Variants in SGCZ observed in about 807,000 individuals in gnomAD.
SGCZ encodes sarcoglycan zeta.
Under a neutral mutation model 41.3 loss-of-function variants are expected in SGCZ, and 40 were observed. The observed-to-expected ratio is 0.97, with a 90% CI of 0.75 to 1.26. SGCZ has a LOEUF of 1.26. SGCZ is among the 50% of genes most tolerant of loss of function. The pLI, the probability that SGCZ is intolerant of heterozygous loss-of-function variation, is 0.00. For synonymous variants in SGCZ, 206 were observed against 137.5 expected, an observed-to-expected ratio of 1.50 and a Z score of -3.49; for missense variants, 552 against 369.8, an observed-to-expected ratio of 1.49 and a Z score of -4.04.
intron 1 of SGCZ, among the ~76,000 whole-genome samples, chr8:14,628,585 G>A (rs1806540745): frequency 6.6e-6 from 1 of 152,078 alleles, no homozygotes; most frequent in South Asian, 2.1e-4. Flanking sequence ...AAATTATTGT[G>A]TTTTCAAATG....
intron 2 of SGCZ, among the ~76,000 whole-genome samples, chr8:14,332,252 G>A (rs1170563171): frequency 6.6e-6 from 1 of 151,896 alleles, no homozygotes; most frequent in Non-Finnish European, 1.5e-5. Flanking sequence ...TGGCTAACAC[G>A]GTGAAACCCC....
chr8:15,099,957 CAAAA>C (rs60290285), intron 1 of SGCZ, among the ~76,000 whole-genome samples: 3 of 151,680 alleles, frequency 2.0e-5, no homozygotes, highest in Non-Finnish European at 4.4e-5. Context: ...ACTTCCCTGA[CAAAA>C]AAAAAAGTCT....
At chr8:14,125,196 T>A (rs1178485975) in intron 5 of SGCZ, among the ~76,000 whole-genome samples, 1 of 152,014 alleles carries the variant, frequency 6.6e-6, no homozygotes, top group Non-Finnish European at 1.5e-5. Flanking sequence ...GAATCACTAT[T>A]GTTGGCCAGG....
intron 1 of SGCZ, among the ~76,000 whole-genome samples, chr8:14,998,144 G>A (rs746390036): frequency 5.9e-5 from 9 of 152,072 alleles, no homozygotes; most frequent in East Asian, 1.9e-4. Flanking sequence ...TAGGTAGCAC[G>A]AAATCATCAA....
intron 1 of SGCZ, among the ~76,000 whole-genome samples, chr8:14,703,837 C>T (rs1300396058): frequency 3.3e-5 from 5 of 151,904 alleles, no homozygotes; most frequent in South Asian, 2.1e-4. Flanking sequence ...GAGAAGTTGA[C>T]GACTCATGCC....
chr8:14,907,942 T>G (rs1799167991), intron 1 of SGCZ, among the ~76,000 whole-genome samples: 1 of 152,182 alleles, frequency 6.6e-6, no homozygotes, highest in Non-Finnish European at 1.5e-5. Flanking sequence ...TATAATTAAC[T>G]AATGCATTTT....
chr8:14,967,105 G>A (rs2130859417), intron 1 of SGCZ, among the ~76,000 whole-genome samples: 1 of 152,246 alleles, frequency 6.6e-6, no homozygotes. Flanking sequence ...GTAGGCAGTA[G>A]AATAAGTAAA....
chr8:14,555,856 TAA>T (rs1467690993), intron 1 of SGCZ, among the ~76,000 whole-genome samples: 2 of 152,090 alleles, frequency 1.3e-5, no homozygotes, highest in African/African-American at 4.8e-5. Flanking sequence ...GCTATCAAAT[TAA>T]GTTTTATTCA....
chr8:15,110,939 G>A (rs561197905), intron 1 of SGCZ, among the ~76,000 whole-genome samples: 1 of 151,988 alleles, frequency 6.6e-6, no homozygotes, highest in South Asian at 2.1e-4. Context: ...TTGCACTCCA[G>A]TCTGGGCAAA....
At chr8:14,307,534 A>C (rs1801387589) in intron 3 of SGCZ, among the ~76,000 whole-genome samples, 1 of 152,062 alleles carries the variant, frequency 6.6e-6, no homozygotes, top group South Asian at 2.1e-4. Context: ...TTTCTTCAGC[A>C]AAAAAAGAAA....
intron 1 of SGCZ, among the ~76,000 whole-genome samples, chr8:15,099,300 G>T (rs1806512361): frequency 6.6e-6 from 1 of 152,102 alleles, no homozygotes; most frequent in African/African-American, 2.4e-5. Flanking sequence ...AATTACATCA[G>T]AAATAAACAA....
intron 1 of SGCZ, among the ~76,000 whole-genome samples, chr8:14,719,123 T>A (rs1002113508): frequency 2.0e-5 from 3 of 150,654 alleles, no homozygotes; most frequent in African/African-American, 7.3e-5. Flanking sequence ...TTGTTCTTGC[T>A]ATAGTTTACT....
chr8:14,610,978 T>C (rs1028588031), intron 1 of SGCZ, among the ~76,000 whole-genome samples: 2 of 152,210 alleles, frequency 1.3e-5, no homozygotes, highest in South Asian at 2.1e-4. Context: ...TCCTGTTTTC[T>C]TTGATAGGCT....
At chr8:14,650,753 A>G (rs926030117) in intron 1 of SGCZ, among the ~76,000 whole-genome samples, 1 of 152,064 alleles carries the variant, frequency 6.6e-6, no homozygotes. Context: ...ATGCAAAGAA[A>G]GCTGTTTGTG....
At chr8:14,917,779 T>G (rs1799481248) in intron 1 of SGCZ, among the ~76,000 whole-genome samples, 1 of 152,122 alleles carries the variant, frequency 6.6e-6, no homozygotes, top group South Asian at 2.1e-4. Context: ...GAAAAAAAAC[T>G]AAATGATTTC....
intron 1 of SGCZ, among the ~76,000 whole-genome samples, chr8:15,002,013 C>A (rs1437232888): frequency 6.6e-6 from 1 of 151,990 alleles, no homozygotes; most frequent in African/African-American, 2.4e-5. Context: ...AAATAGCACA[C>A]ATAAAAGAAC....
intron 2 of SGCZ, among the ~76,000 whole-genome samples, chr8:14,336,252 T>C (rs1446034766): frequency 1.3e-5 from 2 of 152,214 alleles, no homozygotes; most frequent in Non-Finnish European, 1.5e-5. Flanking sequence ...GATATCATTC[T>C]TATTTTTTCT....
chr8:14,388,885 T>A (rs570600432), intron 2 of SGCZ, among the ~76,000 whole-genome samples: 18 of 151,932 alleles, frequency 1.2e-4, no homozygotes, highest in African/African-American at 4.1e-4. Flanking sequence ...TTGAGGTTAT[T>A]TGAAAAACAA....
chr8:14,229,225 C>A (rs1464936497), intron 4 of SGCZ, among the ~76,000 whole-genome samples: 1 of 152,096 alleles, frequency 6.6e-6, no homozygotes, highest in East Asian at 1.9e-4. Flanking sequence ...AGGACACAAA[C>A]AATGAGCATC....
Sources: allele counts gnomAD v4.1 joint callset (sites outside exome capture counted in the v4.1 genomes callset), GRCh38; gene constraint gnomAD v4.1.1; transcripts MANE v1.5; gene names NCBI Gene and HGNC (gene_info 2026-07-23, HGNC 2026-07-21).